KLK5: variants seen among roughly 807,000 people sequenced by gnomAD.
The protein encoded by KLK5 is kallikrein related peptidase 5.
A neutral mutation model predicts 24.0 loss-of-function variants in KLK5; 18 were observed. That is an observed-to-expected ratio of 0.75 (90% confidence interval 0.52 to 1.11). KLK5 has a LOEUF of 1.11. Among genes scored for constraint, KLK5 ranks in the 50% most tolerant of loss-of-function variants. The pLI is 0.00. For synonymous variants in KLK5, 140 were observed against 154.0 expected (o/e 0.91, Z 0.67); for missense variants, 374 against 379.2 (o/e 0.99, Z 0.11).
In KLK5 at chr19:50,952,732, C is replaced by G; in HGVS notation, c.-12+15G>C. 9.2e-7 allele frequency: 1 copy of G among 1,081,094 alleles called. No individual in the cohort carries two copies. Among genetic ancestry groups the G allele is most frequent in the Non-Finnish European group, 1.3e-6 (1 of 756,910 alleles). 67.0% of individuals were successfully genotyped at this position (1,081,094 alleles called of 1,614,324 possible). A position where few individuals can be genotyped will look rare whatever the true frequency, so the allele number is the denominator to read the frequency against. On this transcript the variant is annotated intron_variant, in intron 1 of 5. Coordinates refer to ENST00000336334, the MANE Select transcript of KLK5 (RefSeq NM_012427.5). The stretch of plus-strand genomic sequence containing the variant: ...ATCCGGGGAGCCCTTAACCCACTTC[C>G]CCTCCCTCCCCTACCTTATTTCCCC...
At chr19:50,951,910 C>T (rs940098723) in intron 2 of KLK5, among the ~76,000 whole-genome samples, 9 of 152,114 alleles carry the variant, frequency 5.9e-5, no homozygotes, top group Non-Finnish European at 1.2e-4. Flanking sequence ...TACCCCTGCA[C>T]CCTCTATCCC....
In KLK5 at chr19:50,948,967, T is replaced by C; in HGVS notation, c.484A>G (p.Arg162Gly). Residue 162 changes from arginine to glycine, a missense_variant, in exon 4 of 6, where the codon AGA (arginine) becomes GGA (glycine). Arg to Gly is a moderately radical substitution (Grantham distance 125). Transcript: ENST00000336334. ...CTGACATCTTTAGTGGGACGAATTC[T>C]TCTGTTCAGTTTGATGAGCATGAGG... ...NDLMLIKLNR[R>G]IRPTKDVRPI... is the part of the protein sequence containing the mutation. 6.2e-7 allele frequency: 1 copy of C among 1,614,034 alleles called. No homozygotes were observed. Among genetic ancestry groups the C allele is most frequent in the Non-Finnish European group, 8.5e-7 (1 of 1,179,988 alleles).
rs1175588327 is a variant in KLK5 at position 50,943,660 on chromosome 19, T to A, written c.853A>T (p.Ile285Phe). 6.2e-7 allele frequency: 1 copy of A among 1,613,956 alleles called. No homozygotes were observed. Residue 285 changes from isoleucine to phenylalanine, a missense_variant, in exon 6 of 6, where the codon ATC becomes TTC. Transcript: ENST00000336334. The part of the protein sequence containing the change: ...YTNLCKFTKW[I>F]QETIQANS ...GAGTTGGCCTGGATGGTTTCCTGGA[T>A]CCACTTGGTGAACTTGCAGAGGTTC...
rs771894142 is a variant in KLK5, at chr19:50,943,703, G to A, written c.810C>T (p.Asn270=). The A allele has an allele frequency of 3.1e-6, 5 of 1,613,702 alleles. No individual in the cohort carries two copies. The South Asian group carries it at 4.4e-5, about 14-fold the overall frequency. Residue 270 remains asparagine, a synonymous_variant, in exon 6 of 6, where the codon AAC becomes AAT. Transcript: ENST00000336334. The part of the protein sequence containing the change: ...SWGDYPCARP[N]RPGVYTNLCK... ...AGAGGTTCGTGTAGACACCCGGTCT[G>A]TTGGGCCGGGCACAAGGGTAATCTC...
In KLK5 at chr19:50,949,847, C is replaced by T. The variant is rs764722005; in HGVS notation, c.335+8G>A. On this transcript the variant is annotated splice_region_variant and intron_variant, in intron 3 of 5. Transcript: ENST00000336334. ...CCCACCAACCCTCCTCTTGGAACTC[C>T]CACTCACTTCTTCCTGCAGTGGGCG... is the stretch of plus-strand genomic sequence containing the variant. 1.3e-6 allele frequency: 2 copies of T among 1,491,886 alleles called. No individual in the cohort carries two copies. Among genetic ancestry groups the T allele is most frequent in the East Asian group, 3.1e-5 (1 of 32,610 alleles). The allele number at this position is 1,491,886 out of a possible 1,614,324, so 92.4% of individuals were successfully genotyped here.
At chr19:50,950,150 A>C in intron 2 of KLK5, 34 bp from the exon 3 acceptor site, 2 of 1,217,638 alleles carry the variant, frequency 1.6e-6, no homozygotes, top group South Asian at 1.2e-5. Context: ...CGGGGCTCAG[A>C]GGCGGGGCTT....
intron 2 of KLK5, among the ~76,000 whole-genome samples, chr19:50,950,885 G>A (rs1217035264): frequency 5.4e-5 from 3 of 55,824 alleles, no homozygotes; most frequent in Non-Finnish European, 9.2e-5. Context: ...GAGCAAGACT[G>A]TCTCCAAAAA....
chr19:50,949,202 C>T (rs1424754035), intron 3 of KLK5, 87 bp from the exon 4 acceptor site: 13 of 1,340,114 alleles, frequency 9.7e-6, no homozygotes, highest in Non-Finnish European at 1.2e-5. Flanking sequence ...AGCCCCAGCC[C>T]CACCCCCATC....
Position 50,949,062 on chromosome 19 carries a change from CCAGATT to C in KLK5, c.383_388del (p.Glu128_Ser129del). The C allele has an allele frequency of 6.2e-7, 1 of 1,613,678 alleles. No homozygotes were observed. Among genetic ancestry groups the C allele is most frequent in the Non-Finnish European group, 8.5e-7 (1 of 1,179,948 alleles). ...TTTGACCCCCTGGAACATCTGCTGC[CCAGATT>C]CATAAACTGGTGACAGGGAGTAGTG... On this transcript the variant is annotated inframe_deletion, in exon 4 of 6. Coordinates refer to ENST00000336334, the MANE Select transcript of KLK5 (RefSeq NM_012427.5).
chr19:50,948,186 A>C (rs2123564793), intron 5 of KLK5, among the ~76,000 whole-genome samples: 1 of 151,682 alleles, frequency 6.6e-6, no homozygotes, highest in Middle Eastern at 3.4e-3. Flanking sequence ...GAGTGGCACG[A>C]TCTCAGCTCA....
In KLK5 at chr19:50,943,749, A is replaced by C; in HGVS notation, c.764T>G (p.Leu255Arg). Reference sequence around the variant, plus strand: ...ATCTCCCCAGGACACGAGTCCCTGCAGGGAGCCATTGCAGACCACAGGCCC... The same window carrying C: ...ATCTCCCCAGGACACGAGTCCCTGCCGGGAGCCATTGCAGACCACAGGCCC... ...SGGPVVCNGS[L>R]QGLVSWGDYP... is the part of the protein sequence containing the mutation. Residue 255 changes from leucine to arginine, a missense_variant, in exon 6 of 6, where the codon CTG (leucine) becomes CGG (arginine). Physicochemically the swap from Leu to Arg is moderately radical, Grantham distance 102. Transcript: ENST00000336334. The C allele has an allele frequency of 1.2e-6, 2 of 1,613,922 alleles. No individual in the cohort carries two copies. Among genetic ancestry groups the C allele is most frequent in the Non-Finnish European group, 1.7e-6 (2 of 1,179,888 alleles).
In KLK5 at chr19:50,953,000, C is replaced by A. The variant is rs1377034325; in HGVS notation, c.-265G>T. 2 of 209,774 alleles carry A rather than the reference C, an allele frequency of 9.5e-6. No homozygotes were observed. Among genetic ancestry groups the A allele is most frequent in the Non-Finnish European group, 1.9e-5 (2 of 105,912 alleles). 13.0% of individuals were successfully genotyped at this position (209,774 alleles called of 1,614,324 possible). On this transcript the variant is annotated 5_prime_UTR_variant, in exon 1 of 6. Coordinates refer to ENST00000336334, the MANE Select transcript of KLK5 (RefSeq NM_012427.5). ...GATTTGCTCCCAGCTCAGCCGCAGACTTCTCAGGCCTGTGCCTTCCTGGCC... is the reference window on the plus strand; with the variant it reads ...GATTTGCTCCCAGCTCAGCCGCAGAATTCTCAGGCCTGTGCCTTCCTGGCC...
At chr19:50,943,834 T>G (rs759975234) in intron 5 of KLK5, 48 bp from the exon 6 acceptor site, 19 of 1,530,744 alleles carry the variant, frequency 1.2e-5, no homozygotes, top group Non-Finnish European at 1.6e-5. Flanking sequence ...TGTGGCAAAG[T>G]GGGCAGAAGG....
At chr19:50,949,821 C>T (rs1291633562) in intron 3 of KLK5, 34 bp downstream of exon 3, 14 of 1,037,872 alleles carry the variant, frequency 1.3e-5, no homozygotes, top group African/African-American at 5.6e-5. Context: ...ACTTCCCCGT[C>T]CCCACCAACC....
rs571803410 is a variant in KLK5, at chr19:50,951,563, C to T, written c.73+1022G>A. Among the ~76,000 whole-genome samples the T allele has an allele frequency of 5.9e-5, 9 of 152,306 alleles. No homozygotes were observed. In the South Asian group the frequency reaches 6.2e-4, roughly 11 times the overall value. ...CTGGGATTACAGGCGTGAGCCACCG[C>T]GCCCGGCCTGGTTCTTACCCTTGCT... On this transcript the variant is annotated intron_variant, in intron 2 of 5. Coordinates refer to ENST00000336334, the MANE Select transcript of KLK5 (RefSeq NM_012427.5).
chr19:50,948,184 C>T (rs995500979), intron 5 of KLK5, among the ~76,000 whole-genome samples: 3 of 151,720 alleles, frequency 2.0e-5, no homozygotes, highest in South Asian at 2.1e-4. Flanking sequence ...GTGAGTGGCA[C>T]GATCTCAGCT....
Position 50,949,123 on chromosome 19 carries a change from A to G in KLK5, c.336-8T>C. 1 of 1,609,898 alleles carries G rather than the reference A, an allele frequency of 6.2e-7. No individual in the cohort carries two copies. Among genetic ancestry groups the G allele is most frequent in the Non-Finnish European group, 8.5e-7 (1 of 1,179,264 alleles). On this transcript the variant is annotated splice_polypyrimidine_tract_variant and splice_region_variant and intron_variant, in intron 3 of 5. Coordinates refer to ENST00000336334, the MANE Select transcript of KLK5 (RefSeq NM_012427.5). ...AGACGGACTCTGAAAACTCTGAGGA[A>G]GATGGGGCAGGTCACCACCAACCCT...
Position 50,950,045 on chromosome 19 carries a change from C to G in KLK5, c.145G>C (p.Asp49His). ...TCTTCCCCGGCCCCAGCTCCCAGGTCCTGGTTGCTCCCAGAGGGCACGGTG... is the reference window on the plus strand; with the variant it reads ...TCTTCCCCGGCCCCAGCTCCCAGGTGCTGGTTGCTCCCAGAGGGCACGGTG... ...SNTVPSGSNQDLGAGAGEDAR... is the reference protein window; with the variant it reads ...SNTVPSGSNQHLGAGAGEDAR... The change falls in exon 3 of 6, where the codon GAC (aspartate) becomes CAC (histidine). Residue 49 changes from aspartate (D) to histidine (H), a missense_variant. Asp to His is a moderately conservative substitution (Grantham distance 81, BLOSUM62 -1). Coordinates refer to ENST00000336334, the MANE Select transcript of KLK5 (RefSeq NM_012427.5). 6.2e-7 allele frequency: 1 copy of G among 1,613,754 alleles called. No homozygotes were observed.
Position 50,944,006 on chromosome 19 carries a change from C to T in KLK5, c.727-220G>A, listed in dbSNP as rs541907537. On this transcript the variant is annotated intron_variant, in intron 5 of 5. Transcript: ENST00000336334. ...TGTTATTAATATTTCACTCCAAATC[C>T]AGCTTTTTTTTTTTTGAGATGGAGT... is the stretch of plus-strand genomic sequence containing the variant. Among the ~76,000 whole-genome samples, 7 of 150,852 alleles carry T rather than the reference C, an allele frequency of 4.6e-5. No individual in the cohort carries two copies. In the East Asian group the frequency reaches 1.4e-3, roughly 29 times the overall value.
Sources: gnomAD v4.1 joint callset for allele counts (sites outside exome capture counted in the v4.1 genomes callset) on GRCh38, gnomAD v4.1.1 for gene constraint, MANE v1.5 for transcripts, NCBI Gene and HGNC (gene_info 2026-07-23, HGNC 2026-07-21) for gene names.